FANCB: variants seen among roughly 807,000 people sequenced by gnomAD.
The protein encoded by FANCB is FA complementation group B.
Under a neutral mutation model 38.9 loss-of-function variants are expected in FANCB, and 5 were observed. The observed-to-expected ratio is 0.13, with a 90% confidence interval of 0.07 to 0.27. The LOEUF (loss-of-function observed/expected upper bound fraction) is 0.27, where lower values mean the gene tolerates loss of function less well. Among genes scored for constraint, FANCB ranks in the 10% least tolerant of loss-of-function variants. The probability of loss-of-function intolerance (pLI) is 1.00; values close to 1 mark genes in which losing one functional copy is unlikely to be tolerated. For missense variants in FANCB, 573 were observed against 602.7 expected (o/e 0.95, Z 0.52); for synonymous variants, 236 against 215.4 (o/e 1.10, Z -0.84).
chrX:14,845,143 A>G lies in FANCB; in HGVS notation c.1640T>C (p.Leu547Ser), dbSNP rs763699754. The G allele has an allele frequency of 8.3e-7, 1 of 1,209,630 alleles. No homozygotes were observed. Among genetic ancestry groups the G allele is most frequent in the African/African-American group, 1.7e-5 (1 of 57,152 alleles). Residue 547 changes from leucine (L) to serine (S), a missense_variant, in exon 8 of 10, where the codon TTG (leucine) becomes TCG (serine). Transcript: ENST00000650831. ...GGTCAACGTGACCCTTTTTGCTTCC[A>G]ATCCTATTTCACATGGCATCAAGTA... is the stretch of plus-strand genomic sequence containing the variant. ...APYLMPCEIG[L>S]EAKRVTLTPD... is the part of the protein sequence containing the mutation.
chrX:14,754,820 G>T, the FANCB span, among the ~76,000 whole-genome samples: 1 of 110,491 alleles, frequency 9.1e-6, no homozygotes, highest in Non-Finnish European at 1.9e-5. Context: ...TTAAGAAGAG[G>T]GAATTCTTGC....
At chrX:14,751,889 C>T in the FANCB span, among the ~76,000 whole-genome samples, 1 of 111,724 alleles carries the variant, frequency 9.0e-6, no homozygotes, top group African/African-American at 3.3e-5. Context: ...ACTTTTTTCA[C>T]AGTACCCTGG....
rs199762452 is a variant in FANCB, at chrX:14,864,767, G to T, written c.744C>A (p.Ile248=). The T allele has an allele frequency of 8.3e-7, 1 of 1,209,071 alleles. No individual in the cohort carries two copies. Among genetic ancestry groups the T allele is most frequent in the East Asian group, 3.0e-5 (1 of 33,771 alleles). Residue 248 remains isoleucine, a synonymous_variant, in exon 3 of 10, where the codon ATC becomes ATA. Transcript: ENST00000650831. ...TYVHICATEI[I]KNQLRISLIA... Reference sequence around the variant, plus strand: ...TGAGAGATATTCTTAACTGGTTTTTGATGATCTCAGTTGCACAAATATGTA... The same window carrying T: ...TGAGAGATATTCTTAACTGGTTTTTTATGATCTCAGTTGCACAAATATGTA...
At chrX:14,738,123 G>T in the FANCB span, among the ~76,000 whole-genome samples, 2 of 112,209 alleles carry the variant, frequency 1.8e-5, no homozygotes, top group African/African-American at 6.5e-5. Flanking sequence ...GTAGGCAAAG[G>T]CGTCTTGGAT....
At chrX:14,813,448 G>C in the FANCB span, among the ~76,000 whole-genome samples, 1 of 111,716 alleles carries the variant, frequency 9.0e-6, no homozygotes, top group Admixed American at 9.5e-5. Context: ...TCCTTAAGCT[G>C]ATAGGCAGCT....
chrX:14,730,477 A>C, the FANCB span: 6 of 1,198,045 alleles, frequency 5.0e-6, no homozygotes, highest in African/African-American at 1.1e-4. Flanking sequence ...AGATGTCCAC[A>C]AGAAATAGAT....
chrX:14,707,845 CAATT>C, the FANCB span, among the ~76,000 whole-genome samples: 1 of 110,282 alleles, frequency 9.1e-6, no homozygotes, highest in Non-Finnish European at 1.9e-5. Flanking sequence ...GTATAATTGA[CAATT>C]AGAAATCATA....
the FANCB span, among the ~76,000 whole-genome samples, chrX:14,787,285 A>ACATATAAGTGAAATAAGC: frequency 9.0e-6 from 1 of 111,213 alleles, no homozygotes; most frequent in Admixed American, 9.6e-5. Flanking sequence ...TAAGCCAGGC[A>ACATATAAGTGAAATAAGC]CAGAAAGACA....
the FANCB span, among the ~76,000 whole-genome samples, chrX:14,708,524 TTA>T: frequency 1.3e-3 from 149 of 111,917 alleles, 1 homozygote; most frequent in Middle Eastern, 4.6e-3. Flanking sequence ...CACCTGAGTA[TTA>T]TGATGCCCAT....
chrX:14,801,022 T>C, the FANCB span, among the ~76,000 whole-genome samples: 4 of 106,704 alleles, frequency 3.7e-5, no homozygotes, highest in Admixed American at 2.0e-4. Context: ...TGAACGACCA[T>C]AGCAGTAGAA....
the FANCB span, among the ~76,000 whole-genome samples, chrX:14,790,304 A>G: frequency 8.9e-6 from 1 of 112,180 alleles, no homozygotes; most frequent in Non-Finnish European, 1.9e-5. Flanking sequence ...CAAATATTTC[A>G]TTGTTAACTA....
chrX:14,730,954 T>C, the FANCB span: 1 of 106,218 alleles, frequency 9.4e-6, no homozygotes, highest in Non-Finnish European at 1.8e-5. Flanking sequence ...ACACACAAAC[T>C]TCAAAAATGC....
chrX:14,809,959 C>T, the FANCB span, among the ~76,000 whole-genome samples: 9 of 111,943 alleles, frequency 8.0e-5, no homozygotes, highest in African/African-American at 2.6e-4. Context: ...ACACCTCACA[C>T]GGCCGGGTAC....
At chrX:14,856,036 A>G (rs1015441302) in intron 5 of FANCB, among the ~76,000 whole-genome samples, 5 of 112,382 alleles carry the variant, frequency 4.4e-5, no homozygotes, top group African/African-American at 1.6e-4. Flanking sequence ...AGCCTTTCAT[A>G]AAGTCATGCT....
At chrX:14,718,915 A>G in the FANCB span, among the ~76,000 whole-genome samples, 5 of 111,956 alleles carry the variant, frequency 4.5e-5, no homozygotes, top group African/African-American at 1.6e-4. Context: ...CCCAGATTCA[A>G]AGGGAGGGGA....
At chrX:14,717,602 G>C in the FANCB span, among the ~76,000 whole-genome samples, 2 of 110,843 alleles carry the variant, frequency 1.8e-5, no homozygotes, top group Admixed American at 9.6e-5. Context: ...TCATAGAGTT[G>C]TATATAGTTA....
the FANCB span, among the ~76,000 whole-genome samples, chrX:14,788,256 A>C: frequency 9.0e-6 from 1 of 110,979 alleles, no homozygotes. Context: ...AAAGAAAAAC[A>C]GGAGAAACTG....
chrX:14,690,631 T>C, the FANCB span: 1 of 706,611 alleles, frequency 1.4e-6, no homozygotes, highest in Non-Finnish European at 2.2e-6. Context: ...AAGAATCTGG[T>C]TTCCTGGCAG....
intron 3 of FANCB, among the ~76,000 whole-genome samples, chrX:14,863,555 T>C (rs761688813): frequency 5.9e-4 from 66 of 112,429 alleles, no homozygotes; most frequent in African/African-American, 2.1e-3. Context: ...TCTAATTTCC[T>C]ATTGGTTTTC....
Sources: allele counts gnomAD v4.1 joint callset (sites outside exome capture counted in the v4.1 genomes callset), GRCh38; gene constraint gnomAD v4.1.1; transcripts MANE v1.5; gene names NCBI Gene and HGNC (gene_info 2026-07-23, HGNC 2026-07-21).